The following BAG4 variants were observed in gnomAD, a reference collection of about 807,000 sequenced individuals.
BAG4 encodes BAG family molecular chaperone regulator 4.
In BAG4, 28 loss-of-function variants were observed where a neutral mutation model predicts 52.1. That is an observed-to-expected ratio of 0.54 (90% CI 0.40 to 0.74). The LOEUF (loss-of-function observed/expected upper bound fraction) is 0.74, where lower values mean the gene tolerates loss of function less well. Ranked by LOEUF, BAG4 falls within the 30% of genes least tolerant of loss-of-function variation. The probability of loss-of-function intolerance (pLI) is 0.00; values close to 1 mark genes in which losing one functional copy is unlikely to be tolerated. For missense variants in BAG4, 525 were observed against 572.0 expected (o/e 0.92, Z 0.84); for synonymous variants, 208 against 217.0 (o/e 0.96, Z 0.37).
intron 1 of BAG4, among the ~76,000 whole-genome samples, chr8:38,186,689 A>T (rs1228995998): frequency 6.6e-6 from 1 of 152,208 alleles, no homozygotes. Context: ...TGATCTACTC[A>T]GTCTGTGGAG....
intron 1 of BAG4, among the ~76,000 whole-genome samples, chr8:38,183,050 T>TC (rs1388763589): frequency 1.2e-4 from 18 of 145,208 alleles, no homozygotes; most frequent in Admixed American, 2.0e-4. Flanking sequence ...TTTTTTTTTT[T>TC]TTTTTTTTTT....
intron 2 of BAG4, among the ~76,000 whole-genome samples, chr8:38,206,375 T>C (rs1803769880): frequency 6.6e-6 from 1 of 151,870 alleles, no homozygotes; most frequent in Non-Finnish European, 1.5e-5. Context: ...TTGTTTGGAT[T>C]ATTAAACTGA....
At position 38,184,404 on chromosome 8, in the gene BAG4, G is replaced by T. The variant is rs528558730; in HGVS notation, c.270+7265G>T. Among the ~76,000 whole-genome samples the T allele has an allele frequency of 5.3e-5, 8 of 152,090 alleles. No homozygotes were observed. The South Asian group carries it at 6.2e-4, about 12-fold the overall frequency. The stretch of plus-strand genomic sequence containing the variant: ...ATCACCTGAGCCCAGGTGGCCGAGG[G>T]TGTGGTGAGCTGTGATTGTGCCACT... On this transcript the variant is annotated intron_variant, in intron 1 of 4. Transcript: ENST00000287322.
At chr8:38,183,337 G>A (rs2130663278) in intron 1 of BAG4, among the ~76,000 whole-genome samples, 1 of 152,246 alleles carries the variant, frequency 6.6e-6, no homozygotes, top group South Asian at 2.1e-4. Context: ...ATGAGCCACT[G>A]TGCCTGGCCA....
intron 2 of BAG4, chr8:38,201,640 A>G (rs1427344366): frequency 6.6e-6 from 1 of 151,798 alleles, no homozygotes; most frequent in Non-Finnish European, 1.5e-5. Context: ...AGTGGTATAT[A>G]GATATGACTG....
At chr8:38,187,693 T>C (rs895446129) in intron 1 of BAG4, among the ~76,000 whole-genome samples, 4 of 151,398 alleles carry the variant, frequency 2.6e-5, no homozygotes, top group African/African-American at 7.3e-5. Context: ...TGGAATTAAG[T>C]TGGTATAAAT....
At chr8:38,179,909 A>C (rs1428578891) in intron 1 of BAG4, among the ~76,000 whole-genome samples, 2 of 152,202 alleles carry the variant, frequency 1.3e-5, no homozygotes, top group Admixed American at 6.5e-5. Flanking sequence ...GAGGACCTCT[A>C]AACTGATGAC....
chr8:38,190,402 T>C (rs982238879), intron 1 of BAG4, among the ~76,000 whole-genome samples: 4 of 152,136 alleles, frequency 2.6e-5, no homozygotes, highest in African/African-American at 9.7e-5. Context: ...AATTATATTC[T>C]GTGTGTGGTT....
At chr8:38,193,673 C>T (rs960404707) in intron 2 of BAG4, among the ~76,000 whole-genome samples, 8 of 151,574 alleles carry the variant, frequency 5.3e-5, no homozygotes, top group African/African-American at 7.3e-5. Flanking sequence ...TCAAGTGATT[C>T]TCCTGCCTCA....
At chr8:38,185,431 T>G (rs1803349056) in intron 1 of BAG4, among the ~76,000 whole-genome samples, 7 of 152,230 alleles carry the variant, frequency 4.6e-5, no homozygotes, top group Admixed American at 4.6e-4. Flanking sequence ...AATGCCAGGT[T>G]CCAGTTCTGG....
intron 1 of BAG4, among the ~76,000 whole-genome samples, chr8:38,185,824 G>C (rs1440405479): frequency 6.6e-6 from 1 of 152,160 alleles, no homozygotes; most frequent in Non-Finnish European, 1.5e-5. Flanking sequence ...TGGCCTCCCA[G>C]AGTTCTGGGA....
chr8:38,181,600 G>T (rs1320914824), intron 1 of BAG4, among the ~76,000 whole-genome samples: 1 of 151,774 alleles, frequency 6.6e-6, no homozygotes, highest in Non-Finnish European at 1.5e-5. Flanking sequence ...AGCCAGGTGT[G>T]GTGGCTCACA....
intron 1 of BAG4, among the ~76,000 whole-genome samples, chr8:38,187,367 A>G (rs1803380424): frequency 6.6e-6 from 1 of 152,208 alleles, no homozygotes; most frequent in African/African-American, 2.4e-5. Context: ...AGAAGAAAGA[A>G]TTCATGAATT....
At chr8:38,196,111 G>A (rs1033988879) in intron 2 of BAG4, among the ~76,000 whole-genome samples, 9 of 152,040 alleles carry the variant, frequency 5.9e-5, no homozygotes, top group African/African-American at 1.4e-4. Context: ...GTTGTCTTTC[G>A]TTTTTGTCTT....
chr8:38,202,631 C>T lies in BAG4; in HGVS notation c.379-4881C>T, dbSNP rs1319280766. On this transcript the variant is annotated intron_variant, in intron 2 of 4. Coordinates refer to ENST00000287322, the MANE Select transcript of BAG4 (RefSeq NM_004874.4). ...TCACAGCTCACTGCAGCCTCAATCT[C>T]CTCTGGCTCAGGTGATCCTCCCACC... Among the ~76,000 whole-genome samples, 3 of 151,296 alleles carry T rather than the reference C, an allele frequency of 2.0e-5. No homozygotes were observed. In the East Asian group the frequency reaches 5.8e-4, roughly 29 times the overall value.
At chr8:38,191,760 CAA>C (rs35851034) in intron 1 of BAG4, among the ~76,000 whole-genome samples, 1,483 of 72,564 alleles carry the variant, frequency 0.02, 12 homozygotes, top group African/African-American at 0.071. Flanking sequence ...AACTCTGTCT[CAA>C]AAAAAAAAAA....
chr8:38,209,967 T>C, intron 4 of BAG4, 41 bp from the exon 5 acceptor site: 1 of 1,592,018 alleles, frequency 6.3e-7, no homozygotes, highest in South Asian at 1.1e-5. Context: ...TGCATTCCCA[T>C]TAAAACAGCT....
chr8:38,189,397 A>T (rs1192492461), intron 1 of BAG4, among the ~76,000 whole-genome samples: 1 of 152,216 alleles, frequency 6.6e-6, no homozygotes, highest in African/African-American at 2.4e-5. Context: ...GAGGACGTAC[A>T]GTCAAAATAA....
At chr8:38,178,122 T>C (rs1803197836) in intron 1 of BAG4, among the ~76,000 whole-genome samples, 1 of 152,108 alleles carries the variant, frequency 6.6e-6, no homozygotes, top group South Asian at 2.1e-4. Flanking sequence ...AGCATCATTA[T>C]TCATAATCGC....
Sources: gnomAD v4.1 joint callset for allele counts (sites outside exome capture counted in the v4.1 genomes callset) on GRCh38, gnomAD v4.1.1 for gene constraint, MANE v1.5 for transcripts, NCBI Gene and HGNC (gene_info 2026-07-23, HGNC 2026-07-21) for gene names.